PARP9: variants seen among roughly 807,000 people sequenced by gnomAD.
PARP9 encodes the protein poly(ADP-ribose) polymerase family member 9, also known as protein mono-ADP-ribosyltransferase PARP9.
In PARP9, 48 loss-of-function variants were observed where a neutral mutation model predicts 68.8. The observed-to-expected ratio is 0.70, with a 90% CI of 0.55 to 0.89. The LOEUF (loss-of-function observed/expected upper bound fraction) is 0.89. PARP9 is among the 40% of genes least tolerant of loss of function. The probability of loss-of-function intolerance (pLI) is 0.00; values close to 1 mark genes in which losing one functional copy is unlikely to be tolerated. For missense variants in PARP9, 806 were observed against 969.3 expected (o/e 0.83, Z 2.24); for synonymous variants, 309 against 333.8 (o/e 0.93, Z 0.81).
chr3:122,562,347 T>C (rs4678197), intron 1 of PARP9, among the ~76,000 whole-genome samples: 32,680 of 135,050 alleles, frequency 0.24, 4,128 homozygotes, highest in Non-Finnish European at 0.3. Context: ...CACGCCTGGC[T>C]AATTTTTTTT....
intron 6 of PARP9, among the ~76,000 whole-genome samples, chr3:122,550,141 G>A (rs969090352): frequency 2.0e-5 from 3 of 152,186 alleles, no homozygotes; most frequent in East Asian, 1.9e-4. Context: ...GTACAATGGC[G>A]TGATCTCGGC....
chr3:122,539,282 T>TTA (rs2077899753), intron 8 of PARP9, among the ~76,000 whole-genome samples: 1 of 152,180 alleles, frequency 6.6e-6, no homozygotes, highest in African/African-American at 2.4e-5. Context: ...CAAGTCTGGG[T>TTA]TAGGTGCCTC....
chr3:122,552,357 T>TA (rs3216715), intron 5 of PARP9, 61 bp downstream of exon 5: 156,996 of 1,131,444 alleles, frequency 0.14, 5,549 homozygotes, highest in East Asian at 0.31. Context: ...GAAATTTGTT[T>TA]AAAAAAAAAA....
chr3:122,545,791 G>A, intron 6 of PARP9: 2 of 325,548 alleles, frequency 6.1e-6, no homozygotes, highest in South Asian at 7.4e-5. Context: ...TTAATGCCCT[G>A]CTTGTGCTAA....
chr3:122,529,753 C>CAAA (rs1172329461), intron 10 of PARP9, among the ~76,000 whole-genome samples: 1 of 68,162 alleles, frequency 1.5e-5, no homozygotes, highest in African/African-American at 5.7e-5. Context: ...GACTCCGTCC[C>CAAA]AAAAAAAAAA....
At position 122,547,009 on chromosome 3, in the gene PARP9, T is replaced by C. The variant is rs566225892; in HGVS notation, c.1327-1520A>G. 8.3e-4 allele frequency among the ~76,000 whole-genome samples: 78 copies of C among 93,884 alleles called. 1 individual carries two copies. Among genetic ancestry groups the C allele is most frequent in the Middle Eastern group, 4.9e-3 (1 of 204 alleles). 61.6% of individuals were successfully genotyped at this position (93,884 alleles called of 152,430 possible). Reference sequence around the variant, plus strand: ...ATATATATATATATATATATATATATATATACACACACACACATACACACA... The same window carrying C: ...ATATATATATATATATATATATATACATATACACACACACACATACACACA... On this transcript the variant is annotated intron_variant, in intron 6 of 10. Coordinates refer to ENST00000682323, the MANE Select transcript of PARP9 (RefSeq NM_001146105.2).
rs2077667327 is a variant in PARP9, at chr3:122,536,657, G to A, written c.1905+277C>T. 23 of 537,130 alleles carry A rather than the reference G, an allele frequency of 4.3e-5. No individual in the cohort carries two copies. In the South Asian group the frequency reaches 6.3e-4, roughly 15 times the overall value. The allele number at this position is 537,130 out of a possible 1,614,324, so 33.3% of individuals were successfully genotyped here. A position where few individuals can be genotyped will look rare whatever the true frequency, so the allele number is the denominator to read the frequency against. ...TAGGTAAACAATTATAACACAGTGT[G>A]ATAAATGCTATTCCACTTCTTTTAT... On this transcript the variant is annotated intron_variant, in intron 9 of 10. Transcript: ENST00000682323.
rs1380050951 is a variant in PARP9 at position 122,552,589 on chromosome 3, A to AG, written c.935dup (p.Val313CysfsTer12). 6.2e-6 allele frequency: 10 copies of AG among 1,613,980 alleles called. No individual in the cohort carries two copies. Among genetic ancestry groups the AG allele is most frequent in the Non-Finnish European group, 7.6e-6 (9 of 1,179,964 alleles). ...CTTGTTGTAGAATTGACTTTGCCACAGGTCCAACTGTAATATCATGTGGGT... is the reference window on the plus strand; with the variant it reads ...CTTGTTGTAGAATTGACTTTGCCACAGGGTCCAACTGTAATATCATGTGGGT... On this transcript the variant is annotated frameshift_variant, in exon 5 of 11. Transcript: ENST00000682323. LOFTEE classifies it high-confidence loss of function.
intron 4 of PARP9, 146 bp from the exon 5 acceptor site, chr3:122,552,785 C>G (rs2079316076): frequency 1.6e-6 from 1 of 614,886 alleles, no homozygotes; most frequent in Admixed American, 3.0e-5. Context: ...TGAATAGAAA[C>G]TCGTATTTCC....
chr3:122,552,212 G>A (rs1048319136), intron 5 of PARP9, among the ~76,000 whole-genome samples: 4 of 152,060 alleles, frequency 2.6e-5, no homozygotes, highest in African/African-American at 7.2e-5. Flanking sequence ...GAGCCACTGC[G>A]ACAGACCTAA....
intron 4 of PARP9, 137 bp from the exon 5 acceptor site, chr3:122,552,776 G>T (rs1218254616): frequency 1.6e-6 from 1 of 630,088 alleles, no homozygotes; most frequent in East Asian, 2.8e-5. Flanking sequence ...CATTAATAAT[G>T]AATAGAAACT....
At chr3:122,556,251 T>C (rs1413883500) in intron 3 of PARP9, 130 bp from the exon 4 acceptor site, 1 of 621,368 alleles carries the variant, frequency 1.6e-6, no homozygotes, top group South Asian at 2.5e-5. Context: ...ATGAACTTCA[T>C]GTAGTGCTCT....
At chr3:122,553,723 C>T (rs977758729) in intron 4 of PARP9, among the ~76,000 whole-genome samples, 10 of 151,950 alleles carry the variant, frequency 6.6e-5, no homozygotes, top group Admixed American at 5.2e-4. Flanking sequence ...ATTGTGGTCA[C>T]GAGAGTCTTA....
rs1289249662 is a variant in PARP9, at chr3:122,540,799, G to A, written c.1438C>T (p.Pro480Ser). ...TTGAATCCCATCAGATTGATGGCAG[G>A]AGATCTAGCTTCAAGCCCATTTTCT... ...KRENGLEARS[P>S]AINLMGFNVE... is the part of the protein sequence containing the mutation. The change falls in exon 8 of 11, where the codon CCT (proline) becomes TCT (serine). Residue 480 changes from proline to serine, a missense_variant. Physicochemically the swap from Pro to Ser is moderately conservative, Grantham distance 74 (BLOSUM62 -1). Coordinates refer to ENST00000682323, the MANE Select transcript of PARP9 (RefSeq NM_001146105.2). The A allele has an allele frequency of 6.2e-7, 1 of 1,613,928 alleles. No homozygotes were observed. The highest frequency in any genetic ancestry group is 2.2e-5 in the East Asian group (1 of 44,888).
intron 5 of PARP9, 131 bp from the exon 6 acceptor site, chr3:122,550,933 A>G: frequency 1.3e-6 from 1 of 770,316 alleles, no homozygotes; most frequent in East Asian, 2.7e-5. Flanking sequence ...GCCTCCTCAG[A>G]TGACAGGAAA....
At chr3:122,544,258 A>T (rs1424683680) in intron 7 of PARP9, among the ~76,000 whole-genome samples, 1 of 152,180 alleles carries the variant, frequency 6.6e-6, no homozygotes, top group Admixed American at 6.5e-5. Context: ...TTTTCCAGTC[A>T]AAAGGAATCC....
At chr3:122,551,311 T>C (rs191565662) in intron 5 of PARP9, among the ~76,000 whole-genome samples, 28 of 152,224 alleles carry the variant, frequency 1.8e-4, no homozygotes, top group African/African-American at 6.7e-4. Flanking sequence ...ATGTTGCCCA[T>C]GGAAGGACTT....
intron 7 of PARP9, 67 bp downstream of exon 7, chr3:122,545,365 A>G: frequency 6.7e-7 from 1 of 1,502,012 alleles, no homozygotes; most frequent in Non-Finnish European, 9.3e-7. Context: ...GTTAGTTCAG[A>G]TGATCAAGAA....
At chr3:122,558,236 G>A in intron 3 of PARP9, 198 bp downstream of exon 3, 1 of 1,409,644 alleles carries the variant, frequency 7.1e-7, no homozygotes, top group Non-Finnish European at 9.7e-7. Context: ...GGAGAGGAAT[G>A]GTGTAGGCCT....
Sources: allele counts gnomAD v4.1 joint callset (sites outside exome capture counted in the v4.1 genomes callset), GRCh38; gene constraint gnomAD v4.1.1; transcripts MANE v1.5; gene names NCBI Gene and HGNC (gene_info 2026-07-23, HGNC 2026-07-21).